The following PAG1 variants were observed in gnomAD, a reference collection of about 807,000 sequenced individuals.
PAG1 encodes the protein phosphoprotein associated with glycosphingolipid-enriched microdomains 1.
Under a neutral mutation model 31.7 loss-of-function variants are expected in PAG1, and 23 were observed. The ratio of observed to expected loss-of-function variants is 0.73; its 90% CI spans 0.52 to 1.03. The LOEUF (loss-of-function observed/expected upper bound fraction) is 1.03, where lower values mean the gene tolerates loss of function less well. PAG1 is among the 50% of genes least tolerant of loss of function. PAG1 has a pLI of 0.00. For missense variants in PAG1, 473 were observed against 540.7 expected, an observed-to-expected ratio of 0.87 and a Z score of 1.24; for synonymous variants, 214 against 210.3, an observed-to-expected ratio of 1.02 and a Z score of -0.15.
At chr8:81,047,152 C>T (rs539505712) in intron 2 of PAG1, among the ~76,000 whole-genome samples, 1 of 152,280 alleles carries the variant, frequency 6.6e-6, no homozygotes, top group South Asian at 2.1e-4. Context: ...CCGCAATGAA[C>T]ATATGTGTGC....
chr8:81,073,813 A>G (rs1374429293), intron 1 of PAG1, among the ~76,000 whole-genome samples: 2 of 152,124 alleles, frequency 1.3e-5, no homozygotes, highest in African/African-American at 4.8e-5. Flanking sequence ...GGCACTGTGG[A>G]GGTAGGGACT....
chr8:81,048,084 C>T (rs1808671798), intron 2 of PAG1, among the ~76,000 whole-genome samples: 1 of 152,154 alleles, frequency 6.6e-6, no homozygotes, highest in Non-Finnish European at 1.5e-5. Flanking sequence ...GCCTTGACTT[C>T]TTTCCAACAC....
intron 2 of PAG1, among the ~76,000 whole-genome samples, chr8:81,042,652 G>A (rs67470260): frequency 0.076 from 11,484 of 151,966 alleles, 886 homozygotes; most frequent in African/African-American, 0.2. Flanking sequence ...AAGAGAAAGG[G>A]GGGTGAGGAA....
At chr8:81,029,509 C>T (rs2130783250) in intron 3 of PAG1, among the ~76,000 whole-genome samples, 1 of 152,272 alleles carries the variant, frequency 6.6e-6, no homozygotes, top group South Asian at 2.1e-4. Flanking sequence ...CATAGAAGAA[C>T]ATGGAGTTCC....
chr8:81,080,018 T>A (rs954027062), intron 1 of PAG1, among the ~76,000 whole-genome samples: 2 of 151,956 alleles, frequency 1.3e-5, no homozygotes, highest in Non-Finnish European at 2.9e-5. Flanking sequence ...GATCCTCCCA[T>A]CAAGGCCTCC....
intron 2 of PAG1, among the ~76,000 whole-genome samples, chr8:81,053,524 A>G (rs1808765977): frequency 6.6e-6 from 1 of 152,246 alleles, no homozygotes. Flanking sequence ...TTTCTGGTCT[A>G]ATCGCACATG....
chr8:81,005,201 T>C (rs1273960010), intron 3 of PAG1, among the ~76,000 whole-genome samples: 3 of 152,104 alleles, frequency 2.0e-5, no homozygotes, highest in African/African-American at 4.8e-5. Context: ...CATGGGGGAA[T>C]AGACTTAGGG....
intron 3 of PAG1, among the ~76,000 whole-genome samples, chr8:81,016,806 T>C (rs1808079828): frequency 6.6e-6 from 1 of 152,220 alleles, no homozygotes; most frequent in Non-Finnish European, 1.5e-5. Flanking sequence ...CCAGGAAATG[T>C]GGCAGAAGTG....
At chr8:81,007,296 A>C (rs1370802647) in intron 3 of PAG1, among the ~76,000 whole-genome samples, 1 of 151,994 alleles carries the variant, frequency 6.6e-6, no homozygotes, top group Non-Finnish European at 1.5e-5. Flanking sequence ...CATGGATCTC[A>C]TGGAGTACAA....
intron 3 of PAG1, among the ~76,000 whole-genome samples, chr8:81,020,128 C>T (rs556404345): frequency 6.6e-6 from 1 of 152,136 alleles, no homozygotes; most frequent in Non-Finnish European, 1.5e-5. Flanking sequence ...AATGCCTGTA[C>T]CCCCATTATA....
intron 1 of PAG1, among the ~76,000 whole-genome samples, chr8:81,086,659 G>T (rs762833030): frequency 6.6e-6 from 1 of 151,986 alleles, no homozygotes; most frequent in African/African-American, 2.4e-5. Flanking sequence ...CAAAAAACAG[G>T]CAAAAGATAC....
intron 3 of PAG1, among the ~76,000 whole-genome samples, chr8:81,016,981 A>G (rs1011108779): frequency 1.3e-5 from 2 of 152,224 alleles, no homozygotes; most frequent in African/African-American, 2.4e-5. Flanking sequence ...TAAAGCTCCC[A>G]GAAAAGTGAG....
At chr8:81,056,655 C>T (rs1808827257) in intron 2 of PAG1, among the ~76,000 whole-genome samples, 1 of 152,156 alleles carries the variant, frequency 6.6e-6, no homozygotes, top group Non-Finnish European at 1.5e-5. Context: ...AGGACATAGG[C>T]ACGGGCAAGG....
intron 3 of PAG1, 128 bp from the exon 4 acceptor site, chr8:80,993,435 C>A (rs982858215): frequency 8.0e-6 from 4 of 497,904 alleles, no homozygotes; most frequent in East Asian, 6.6e-5. Context: ...CTGAGGAGAG[C>A]CCCGGACTGG....
chr8:80,982,520 C>T (rs1460975998), intron 7 of PAG1, among the ~76,000 whole-genome samples: 1 of 152,094 alleles, frequency 6.6e-6, no homozygotes, highest in Non-Finnish European at 1.5e-5. Context: ...ATCCTGTGAC[C>T]TCACCCAATC....
chr8:81,078,910 C>T (rs1048419069), intron 1 of PAG1, among the ~76,000 whole-genome samples: 4 of 152,062 alleles, frequency 2.6e-5, no homozygotes, highest in Non-Finnish European at 4.4e-5. Flanking sequence ...AGAGTACAGG[C>T]GCTTTATTCA....
chr8:81,014,443 C>G (rs1157780889), intron 3 of PAG1, among the ~76,000 whole-genome samples: 2 of 152,306 alleles, frequency 1.3e-5, no homozygotes, highest in Admixed American at 1.3e-4. Flanking sequence ...AGAAAGTGAC[C>G]CATACTCCAG....
intron 1 of PAG1, among the ~76,000 whole-genome samples, chr8:81,085,943 AG>A (rs1809344065): frequency 7.1e-6 from 1 of 140,312 alleles, no homozygotes; most frequent in African/African-American, 2.7e-5. Context: ...TAATTCTTCT[AG>A]CAAGTAGTTA....
intron 1 of PAG1, among the ~76,000 whole-genome samples, chr8:81,072,991 A>G (rs975067280): frequency 1.3e-5 from 2 of 152,220 alleles, no homozygotes; most frequent in African/African-American, 2.4e-5. Context: ...TCAAAATAAA[A>G]TAAGAAGTAT....
Sources: gnomAD v4.1 joint callset for allele counts (sites outside exome capture counted in the v4.1 genomes callset) on GRCh38, gnomAD v4.1.1 for gene constraint, MANE v1.5 for transcripts, NCBI Gene and HGNC (gene_info 2026-07-23, HGNC 2026-07-21) for gene names.